The following DSP variants were observed in gnomAD, a reference collection of about 807,000 sequenced individuals.
The protein encoded by DSP is 250/210 kDa paraneoplastic pemphigus antigen.
Under a neutral mutation model 290.6 loss-of-function variants are expected in DSP, and 114 were observed. The observed-to-expected ratio is 0.39, with a 90% CI of 0.34 to 0.46. The LOEUF (loss-of-function observed/expected upper bound fraction) is 0.46. DSP is among the 20% of genes least tolerant of loss of function. The pLI, the probability that DSP is intolerant of heterozygous loss-of-function variation, is 0.99. For synonymous variants in DSP, 1,311 were observed against 1,316.4 expected (o/e 1.00, Z 0.09); for missense variants, 3,230 against 3,495.8 (o/e 0.92, Z 1.92).
At chr6:7,570,686 C>T (rs1561689614) in intron 13 of DSP, 123 bp downstream of exon 13, 4 of 1,379,054 alleles carry the variant, frequency 2.9e-6, no homozygotes, top group Non-Finnish European at 3.0e-6. Context: ...TCAAGCAAGT[C>T]AGCTCAGCCC....
At chr6:7,570,897 G>A (rs1322379420) in intron 13 of DSP, among the ~76,000 whole-genome samples, 4 of 152,128 alleles carry the variant, frequency 2.6e-5, no homozygotes, top group East Asian at 1.9e-4. Context: ...GATTAACTGG[G>A]TATCACAAAA....
At chr6:7,566,503 T>A in intron 8 of DSP, 22 bp downstream of exon 8, 1 of 1,598,660 alleles carries the variant, frequency 6.3e-7, no homozygotes, top group Non-Finnish European at 8.6e-7. Flanking sequence ...GAGGTTTATA[T>A]TTTTGTTAGA....
chr6:7,583,910 T>G lies in DSP; in HGVS notation c.6648T>G (p.Pro2216=), dbSNP rs768109659. 1.2e-6 allele frequency: 2 copies of G among 1,614,142 alleles called. No homozygotes were observed. The highest frequency in any genetic ancestry group is 2.2e-5 in the South Asian group (2 of 91,084). The change falls in exon 24 of 24, where the codon CCT becomes CCG. Residue 2216 remains proline (P), a synonymous_variant. Coordinates refer to ENST00000379802, the MANE Select transcript of DSP (RefSeq NM_004415.4). The surrounding 1 kb of genome is among the most constrained non-coding windows in gnomAD (Gnocchi z 4.0). ...TGTCCTTCCAAGGAATCAGACAACC[T>G]GTGACCGTCACTGAGCTAGTAGATT... ...RSMSFQGIRQ[P]VTVTELVDSG...
rs77915851 is a variant in DSP at position 7,556,460 on chromosome 6, A to G, written c.273+640A>G. Among the ~76,000 whole-genome samples, 165 of 152,314 alleles carry G rather than the reference A, an allele frequency of 1.1e-3. 5 individuals are homozygous for G. In the East Asian group the frequency reaches 0.028, roughly 26 times the overall value. ...CACCTTTGCTCCGAGTTTGCTAAAA[A>G]CAGAATAGAGAATGGTGGGGCCGTA... On this transcript the variant is annotated intron_variant, in intron 2 of 23. Transcript: ENST00000379802.
intron 5 of DSP, 139 bp from the exon 6 acceptor site, chr6:7,563,597 T>G (rs1173618203): frequency 5.2e-6 from 4 of 765,602 alleles, no homozygotes; most frequent in Non-Finnish European, 9.0e-6. Flanking sequence ...GGGTGAAATA[T>G]CTCATAGAGC....
In DSP at chr6:7,584,183, C is replaced by T. The variant is rs775897238; in HGVS notation, c.6921C>T (p.Asn2307=). ...GCTTTATAGTGGATCCTGTTAGCAA[C>T]TTGAGGTTACCAGTGGAGGAAGCCT... ...ATGFIVDPVS[N]LRLPVEEAYK... is the part of the protein sequence containing the mutation. The change falls in exon 24 of 24, where the codon AAC becomes AAT. Residue 2307 remains asparagine (N), a synonymous_variant. Transcript: ENST00000379802. The surrounding 1 kb of genome is among the most constrained non-coding windows in gnomAD (Gnocchi z 6.4). The T allele has an allele frequency of 1.1e-5, 18 of 1,614,168 alleles. No homozygotes were observed. Among genetic ancestry groups the T allele is most frequent in the Non-Finnish European group, 1.5e-5 (18 of 1,180,040 alleles).
intron 1 of DSP, among the ~76,000 whole-genome samples, chr6:7,542,531 C>T (rs1758028344): frequency 6.6e-6 from 1 of 152,170 alleles, no homozygotes; most frequent in Admixed American, 6.5e-5. Context: ...GAGTGGTGCT[C>T]GGGGCTCCGC....
At chr6:7,542,122 C>T (rs1327836480) in intron 1 of DSP, 37 bp downstream of exon 1, 1 of 1,550,464 alleles carries the variant, frequency 6.4e-7, no homozygotes, top group Admixed American at 2.0e-5. Flanking sequence ...CTGCGGGGCT[C>T]GCGGGACAGG....
chr6:7,558,687 A>C (rs1056887843), intron 3 of DSP, among the ~76,000 whole-genome samples: 1 of 151,964 alleles, frequency 6.6e-6, no homozygotes, highest in Non-Finnish European at 1.5e-5. Flanking sequence ...ATTAAAAAAA[A>C]ATTTTTTGTG....
intron 1 of DSP, among the ~76,000 whole-genome samples, chr6:7,553,509 T>G (rs764668867): frequency 1.3e-5 from 2 of 152,236 alleles, no homozygotes; most frequent in Non-Finnish European, 2.9e-5. Context: ...TTCCTAATTT[T>G]TTAATTCATC....
chr6:7,552,401 CAA>C (rs35879281), intron 1 of DSP, among the ~76,000 whole-genome samples: 36,605 of 142,524 alleles, frequency 0.26, 4,739 homozygotes, highest in African/African-American at 0.33. Flanking sequence ...ATTAAAAATA[CAA>C]AAAAAAAAAA....
In DSP at chr6:7,562,530, C is replaced by T; in HGVS notation, c.598-122C>T. The T allele has an allele frequency of 1.9e-6, 3 of 1,558,758 alleles. No individual in the cohort carries two copies. The African/African-American group carries it at 4.1e-5, about 21-fold the overall frequency. On this transcript the variant is annotated intron_variant, in intron 4 of 23. Transcript: ENST00000379802. ...GAACCTTTAAAAAATATTCTGGCTTCAAAAATACTCCATATTTACATCTTT... is the reference window on the plus strand; with the variant it reads ...GAACCTTTAAAAAATATTCTGGCTTTAAAAATACTCCATATTTACATCTTT...
intron 18 of DSP, among the ~76,000 whole-genome samples, 155 bp downstream of exon 18, chr6:7,575,643 C>T (rs1295874883): frequency 6.6e-6 from 1 of 152,172 alleles, no homozygotes; most frequent in East Asian, 1.9e-4. Context: ...TGCCTGTATG[C>T]AGCTTTGTTA....
intron 8 of DSP, 60 bp from the exon 9 acceptor site, chr6:7,567,294 G>A: frequency 7.7e-7 from 1 of 1,296,680 alleles, no homozygotes; most frequent in Non-Finnish European, 1.1e-6. Flanking sequence ...CCTATCTCTT[G>A]GTGTTCATGC....
rs199555263 is a variant in DSP at position 7,574,811 on chromosome 6, A to T, written c.2436+16A>T. The T allele has an allele frequency of 3.1e-6, 5 of 1,614,040 alleles. No individual in the cohort carries two copies. The Admixed American group carries it at 6.7e-5, about 22-fold the overall frequency. ...TGGACTGAAGGTAACTTGAAAGCTT[A>T]TAACAGTGGCCCAACTTACAGGAAC... On this transcript the variant is annotated intron_variant, in intron 17 of 23. Coordinates refer to ENST00000379802, the MANE Select transcript of DSP (RefSeq NM_004415.4).
At chr6:7,554,693 A>G (rs1226754802) in intron 1 of DSP, among the ~76,000 whole-genome samples, 1 of 152,196 alleles carries the variant, frequency 6.6e-6, no homozygotes, top group Non-Finnish European at 1.5e-5. Flanking sequence ...CACCGAGGCA[A>G]GAGTGCAGTG....
At chr6:7,553,091 T>G (rs1758390862) in intron 1 of DSP, among the ~76,000 whole-genome samples, 1 of 152,224 alleles carries the variant, frequency 6.6e-6, no homozygotes. Flanking sequence ...TACAAAATAG[T>G]ACAAAGTTTG....
intron 1 of DSP, among the ~76,000 whole-genome samples, chr6:7,545,042 C>G (rs1758132807): frequency 6.6e-6 from 1 of 152,008 alleles, no homozygotes; most frequent in South Asian, 2.1e-4. Flanking sequence ...AATTTGTTAC[C>G]AAAGTAACAA....
Position 7,585,043 on chromosome 6 carries a change from C to T in DSP, c.7781C>T (p.Ser2594Phe). 6.2e-7 allele frequency: 1 copy of T among 1,614,180 alleles called. No homozygotes were observed. ...CGACATGAATCAGTAAGTAAGATTT[C>T]CACCATATCCAGCGTCAGGAATTTA... ...SSRHESVSKI[S>F]TISSVRNLTI... The change falls in exon 24 of 24, where the codon TCC (serine) becomes TTC (phenylalanine). Residue 2594 changes from serine to phenylalanine, a missense_variant. By Grantham distance (155) the Ser-to-Phe change is radical. Transcript: ENST00000379802.
Sources: allele counts gnomAD v4.1 joint callset (sites outside exome capture counted in the v4.1 genomes callset), GRCh38; gene constraint gnomAD v4.1.1; non-coding constraint Gnocchi (gnomAD v3.1); transcripts MANE v1.5; gene names NCBI Gene and HGNC (gene_info 2026-07-23, HGNC 2026-07-21).